OSBPL10: variants seen among roughly 807,000 people sequenced by gnomAD.
OSBPL10 encodes the protein oxysterol binding protein like 10.
A neutral mutation model predicts 81.7 loss-of-function variants in OSBPL10; 49 were observed. The observed-to-expected ratio is 0.60, with a 90% CI of 0.48 to 0.76. OSBPL10 has a LOEUF of 0.76. Ranked by LOEUF, OSBPL10 falls within the 30% of genes least tolerant of loss-of-function variation. OSBPL10 has a pLI of 0.00. For synonymous variants in OSBPL10, 419 were observed against 383.6 expected (o/e 1.09, Z -1.08); for missense variants, 923 against 987.8 (o/e 0.93, Z 0.88).
At chr3:31,864,430 G>A (rs867415793) in intron 3 of OSBPL10, among the ~76,000 whole-genome samples, 3 of 152,178 alleles carry the variant, frequency 2.0e-5, no homozygotes, top group Admixed American at 6.5e-5. Context: ...TTGGTAGACA[G>A]GGTTTCGCCA....
At chr3:31,993,370 G>T (rs542104287) in intron 2 of OSBPL10, among the ~76,000 whole-genome samples, 10 of 151,706 alleles carry the variant, frequency 6.6e-5, no homozygotes, top group Non-Finnish European at 1.0e-4. Context: ...CACCATGCCC[G>T]GCTAATTTTG....
intron 6 of OSBPL10, among the ~76,000 whole-genome samples, chr3:31,706,151 G>A (rs1696056880): frequency 6.6e-6 from 1 of 152,176 alleles, no homozygotes; most frequent in South Asian, 2.1e-4. Flanking sequence ...ATTAGCAAAT[G>A]GGGAGAACGA....
At chr3:31,764,997 G>A (rs1327710553) in intron 4 of OSBPL10, among the ~76,000 whole-genome samples, 1 of 152,002 alleles carries the variant, frequency 6.6e-6, no homozygotes, top group African/African-American at 2.4e-5. Flanking sequence ...ACACATCATG[G>A]TTGTAATTAA....
intron 1 of OSBPL10, among the ~76,000 whole-genome samples, chr3:31,891,897 A>G (rs1257103138): frequency 1.3e-5 from 2 of 152,102 alleles, no homozygotes; most frequent in Non-Finnish European, 2.9e-5. Flanking sequence ...GTAAGAATTC[A>G]CTCATTTGTT....
intron 6 of OSBPL10, among the ~76,000 whole-genome samples, chr3:31,731,449 A>AT (rs1035232465): frequency 2.0e-5 from 3 of 150,110 alleles, no homozygotes; most frequent in African/African-American, 4.9e-5. Flanking sequence ...TTCAGGATGT[A>AT]TTTTTTTAAA....
At chr3:31,776,391 C>A (rs1015757205) in intron 4 of OSBPL10, among the ~76,000 whole-genome samples, 1 of 152,126 alleles carries the variant, frequency 6.6e-6, no homozygotes, top group Non-Finnish European at 1.5e-5. Flanking sequence ...CAGCTTGCTA[C>A]GAAAAACAGT....
intron 2 of OSBPL10, among the ~76,000 whole-genome samples, chr3:32,027,194 G>C (rs951125086): frequency 1.3e-5 from 2 of 151,910 alleles, no homozygotes; most frequent in Non-Finnish European, 2.9e-5. Flanking sequence ...CCGACCCCCT[G>C]ACAGGCCCCA....
At chr3:31,783,823 AATATAT>A (rs60886858) in intron 4 of OSBPL10, among the ~76,000 whole-genome samples, 642 of 16,638 alleles carry the variant, frequency 0.039, 28 homozygotes, top group Middle Eastern at 0.071. Context: ...AAAAAAAAAA[AATATAT>A]ATATATATAT....
At chr3:32,053,421 G>C (rs1375582947) in intron 1 of OSBPL10, among the ~76,000 whole-genome samples, 1 of 151,154 alleles carries the variant, frequency 6.6e-6, no homozygotes, top group East Asian at 1.9e-4. Flanking sequence ...AAAGTTAAAG[G>C]GGTATTACTC....
intron 4 of OSBPL10, among the ~76,000 whole-genome samples, chr3:31,810,884 T>A (rs956084395): frequency 6.6e-6 from 1 of 152,182 alleles, no homozygotes; most frequent in Non-Finnish European, 1.5e-5. Context: ...CCCCGCTTAC[T>A]TTCATTAAAT....
chr3:31,810,593 G>A (rs1699655234), intron 4 of OSBPL10, among the ~76,000 whole-genome samples: 1 of 151,840 alleles, frequency 6.6e-6, no homozygotes, highest in Non-Finnish European at 1.5e-5. Context: ...TAAAACTCCT[G>A]GAAACCAATA....
chr3:31,822,869 G>A (rs978699733), intron 4 of OSBPL10, among the ~76,000 whole-genome samples: 6 of 130,584 alleles, frequency 4.6e-5, no homozygotes, highest in African/African-American at 1.7e-4. Context: ...AGTCATGATT[G>A]ATCTGCTATA....
At chr3:32,014,236 G>C (rs932165304) in intron 2 of OSBPL10, among the ~76,000 whole-genome samples, 23 of 152,214 alleles carry the variant, frequency 1.5e-4, no homozygotes, top group African/African-American at 5.3e-4. Flanking sequence ...ACATCAAAAA[G>C]CTTATCCACC....
intron 2 of OSBPL10, among the ~76,000 whole-genome samples, chr3:31,992,467 G>A (rs2125523759): frequency 6.6e-6 from 1 of 152,274 alleles, no homozygotes; most frequent in South Asian, 2.1e-4. Flanking sequence ...GAGGCTCTAG[G>A]GGAGAATCTA....
At chr3:31,727,167 G>C (rs763915635) in intron 6 of OSBPL10, among the ~76,000 whole-genome samples, 2 of 151,970 alleles carry the variant, frequency 1.3e-5, no homozygotes, top group Non-Finnish European at 2.9e-5. Flanking sequence ...TTAATTGTAG[G>C]GTTTCCTGTT....
At chr3:31,787,162 C>T (rs1698879803) in intron 4 of OSBPL10, among the ~76,000 whole-genome samples, 1 of 152,208 alleles carries the variant, frequency 6.6e-6, no homozygotes. Flanking sequence ...TTTACTACTT[C>T]TCGAAGGATA....
At chr3:32,026,121 C>T (rs928510453) in intron 2 of OSBPL10, among the ~76,000 whole-genome samples, 3 of 146,824 alleles carry the variant, frequency 2.0e-5, no homozygotes, top group South Asian at 2.2e-4. Flanking sequence ...GAGATAGAGA[C>T]AGAGATAGAG....
At chr3:31,664,264 G>A (rs1329098986) in intron 10 of OSBPL10, 32 bp from the exon 11 acceptor site, 1 of 1,606,290 alleles carries the variant, frequency 6.2e-7, no homozygotes, top group Admixed American at 1.7e-5. Context: ...GAAACAATCA[G>A]CCAGGCCAGC....
In OSBPL10 at chr3:31,990,392, G is replaced by A. The variant is rs578237026; in HGVS notation, n.298+56099C>T. ...AAATGTGGCAAATTTTTTAGACGTC[G>A]TTCATATCTCGTAGTTCATTGGCGA... is the stretch of plus-strand genomic sequence containing the variant. On this transcript the variant is annotated intron_variant and non_coding_transcript_variant, in intron 2 of 3. Coordinates refer to the OSBPL10 transcript ENST00000479173. 1.8e-4 allele frequency: 285 copies of A among 1,613,340 alleles called. No homozygotes were observed. The highest frequency in any genetic ancestry group is 2.2e-4 in the Non-Finnish European group (264 of 1,179,702).
Sources: allele counts gnomAD v4.1 joint callset (sites outside exome capture counted in the v4.1 genomes callset), GRCh38; gene constraint gnomAD v4.1.1; transcripts MANE v1.5; gene names NCBI Gene and HGNC (gene_info 2026-07-23, HGNC 2026-07-21).